The following GRID2 variants were observed in gnomAD, a reference collection of about 807,000 sequenced individuals.
GRID2 encodes the protein glutamate receptor ionotropic, delta-2.
GRID2 carries 33 observed loss-of-function variants against 114.8 expected under a neutral mutation model. The ratio of observed to expected loss-of-function variants is 0.29; its 90% CI spans 0.22 to 0.38. The LOEUF (loss-of-function observed/expected upper bound fraction) is 0.38, where lower values mean the gene tolerates loss of function less well. Ranked by LOEUF, GRID2 falls within the 10% of genes least tolerant of loss-of-function variation. The pLI, the probability that GRID2 is intolerant of heterozygous loss-of-function variation, is 1.00. For missense variants in GRID2, 1,184 were observed against 1,257.7 expected (o/e 0.94, Z 0.89); for synonymous variants, 505 against 449.9 (o/e 1.12, Z -1.55).
chr4:92,428,418 C>T (rs1446421795), intron 1 of GRID2, among the ~76,000 whole-genome samples: 1 of 151,472 alleles, frequency 6.6e-6, no homozygotes. Flanking sequence ...CTGATATTTC[C>T]TTCGGTAATC....
At chr4:93,329,397 T>G (rs1025238852) in intron 8 of GRID2, among the ~76,000 whole-genome samples, 1 of 152,186 alleles carries the variant, frequency 6.6e-6, no homozygotes, top group Non-Finnish European at 1.5e-5. Context: ...TTTTGAAGAA[T>G]GTCTCTATGT....
intron 4 of GRID2, among the ~76,000 whole-genome samples, chr4:93,155,293 T>C (rs1321252211): frequency 6.6e-6 from 1 of 152,018 alleles, no homozygotes; most frequent in Non-Finnish European, 1.5e-5. Flanking sequence ...CTAGCCATTC[T>C]GAAAAATCTT....
At chr4:92,641,787 C>T (rs568689608) in intron 2 of GRID2, among the ~76,000 whole-genome samples, 3 of 151,738 alleles carry the variant, frequency 2.0e-5, no homozygotes, top group South Asian at 4.2e-4. Context: ...ATGCCCCCTC[C>T]TTCTCCCTCC....
At chr4:92,583,856 A>G (rs1728296150) in intron 1 of GRID2, among the ~76,000 whole-genome samples, 1 of 150,050 alleles carries the variant, frequency 6.7e-6, no homozygotes, top group African/African-American at 2.4e-5. Flanking sequence ...ATGAACATGT[A>G]TTACATAAAT....
At chr4:93,446,967 C>T (rs893672318) in intron 10 of GRID2, among the ~76,000 whole-genome samples, 7 of 151,714 alleles carry the variant, frequency 4.6e-5, no homozygotes, top group Middle Eastern at 3.4e-3. Context: ...CATCATGTGC[C>T]TCCAACTCCA....
intron 13 of GRID2, among the ~76,000 whole-genome samples, chr4:93,534,550 A>T (rs1427805860): frequency 6.6e-6 from 1 of 152,156 alleles, no homozygotes; most frequent in Non-Finnish European, 1.5e-5. Context: ...ACTCACTGAT[A>T]GATCCCAAGC....
intron 13 of GRID2, among the ~76,000 whole-genome samples, chr4:93,618,467 G>T (rs1741912738): frequency 6.6e-6 from 1 of 152,094 alleles, no homozygotes; most frequent in Non-Finnish European, 1.5e-5. Context: ...CTTCCTGTGG[G>T]CCAGAACAAA....
At chr4:93,437,110 A>G (rs764476643) in intron 10 of GRID2, among the ~76,000 whole-genome samples, 1 of 152,176 alleles carries the variant, frequency 6.6e-6, no homozygotes, top group Non-Finnish European at 1.5e-5. Context: ...CAAGGAATTT[A>G]AAAGCATAGC....
rs138215750 is a variant in GRID2, at chr4:92,720,736, T to C, written c.244+130450T>C. ...AAAATATATGATATGTACTACTTTT[T>C]TCAGAACCATCTTCTGAGTACAAGC... On this transcript the variant is annotated intron_variant, in intron 2 of 15. Transcript: ENST00000282020. Among the ~76,000 whole-genome samples, 1,046 of 152,178 alleles carry C rather than the reference T, an allele frequency of 6.9e-3. 14 individuals are homozygous for C. Among genetic ancestry groups the C allele is most frequent in the African/African-American group, 0.023 (939 of 41,534 alleles).
intron 2 of GRID2, among the ~76,000 whole-genome samples, chr4:93,067,240 C>A (rs1198951552): frequency 3.3e-5 from 5 of 151,954 alleles, no homozygotes; most frequent in Admixed American, 3.3e-4. Context: ...GATGGTATTT[C>A]CATTAATTCT....
chr4:93,618,076 A>G (rs1352317740), intron 13 of GRID2, among the ~76,000 whole-genome samples: 3 of 152,260 alleles, frequency 2.0e-5, no homozygotes, highest in East Asian at 1.9e-4. Flanking sequence ...ATGACTGGGC[A>G]TTGGAGGCAA....
chr4:93,318,583 G>T (rs1199540706), intron 8 of GRID2: 3 of 152,094 alleles, frequency 2.0e-5, no homozygotes, highest in Non-Finnish European at 4.4e-5. Context: ...TGCTCTGGAA[G>T]ACTAGGAAGC....
intron 8 of GRID2, among the ~76,000 whole-genome samples, chr4:93,255,046 A>G (rs1357134871): frequency 1.3e-5 from 2 of 152,162 alleles, no homozygotes. Flanking sequence ...TAACCTAATT[A>G]TACAATAGTC....
intron 2 of GRID2, among the ~76,000 whole-genome samples, chr4:93,004,315 T>TA (rs1721291632): frequency 6.6e-6 from 1 of 152,000 alleles, no homozygotes; most frequent in South Asian, 2.1e-4. Flanking sequence ...TATAGTTTCT[T>TA]AGAGTTCTTC....
rs554971124 is a variant in GRID2 at position 93,504,609 on chromosome 4, G to A, written c.1998-10607G>A. ...GAGATGGAAAAAACAAACTGTATGC[G>A]TATATTTGTGTATACCTATGATAAT... On this transcript the variant is annotated intron_variant, in intron 12 of 15. Coordinates refer to ENST00000282020, the MANE Select transcript of GRID2 (RefSeq NM_001510.4). Among the ~76,000 whole-genome samples the A allele has an allele frequency of 8.9e-4, 135 of 152,068 alleles. 3 individuals are homozygous for A. In the South Asian group the frequency reaches 0.027, roughly 30 times the overall value.
chr4:92,333,987 T>A (rs1727034936), intron 1 of GRID2, among the ~76,000 whole-genome samples: 1 of 152,172 alleles, frequency 6.6e-6, no homozygotes, highest in African/African-American at 2.4e-5. Context: ...CATCTCAGTC[T>A]CCTGAGTAGC....
At chr4:93,432,156 A>C (rs1769477971) in intron 10 of GRID2, among the ~76,000 whole-genome samples, 1 of 152,164 alleles carries the variant, frequency 6.6e-6, no homozygotes, top group Non-Finnish European at 1.5e-5. Context: ...AAAAGAATAG[A>C]TCAGTGGCAC....
chr4:93,685,012 G>C (rs572828972), intron 14 of GRID2, among the ~76,000 whole-genome samples: 2 of 152,044 alleles, frequency 1.3e-5, no homozygotes, highest in South Asian at 4.2e-4. Context: ...CAAATCTGTG[G>C]GAGTATCTTC....
intron 2 of GRID2, among the ~76,000 whole-genome samples, chr4:92,607,800 C>G (rs1027590262): frequency 6.6e-6 from 1 of 151,726 alleles, no homozygotes; most frequent in Non-Finnish European, 1.5e-5. Flanking sequence ...GTAGAATTAG[C>G]GAAGAATGTA....
Sources: gnomAD v4.1 joint callset for allele counts (sites outside exome capture counted in the v4.1 genomes callset) on GRCh38, gnomAD v4.1.1 for gene constraint, MANE v1.5 for transcripts, NCBI Gene and HGNC (gene_info 2026-07-23, HGNC 2026-07-21) for gene names.